The following IPCEF1 variants were observed in gnomAD, a reference collection of about 807,000 sequenced individuals.
The protein encoded by IPCEF1 is interactor protein for cytohesin exchange factors 1.
In IPCEF1, 31 loss-of-function variants were observed where a neutral mutation model predicts 50.9. That is an observed-to-expected ratio of 0.61 (90% CI 0.46 to 0.82). The LOEUF is 0.82. Ranked by LOEUF, IPCEF1 falls within the 40% of genes least tolerant of loss-of-function variation. The probability of loss-of-function intolerance (pLI) is 0.00; values close to 1 mark genes in which losing one functional copy is unlikely to be tolerated. For missense variants in IPCEF1, 458 were observed against 514.0 expected (o/e 0.89, Z 1.05); for synonymous variants, 181 against 192.0 (o/e 0.94, Z 0.47).
At chr6:154,325,288 T>C (rs1317005900) in intron 1 of IPCEF1, among the ~76,000 whole-genome samples, 5 of 152,218 alleles carry the variant, frequency 3.3e-5, no homozygotes, top group Non-Finnish European at 4.4e-5. Flanking sequence ...TTAATATATA[T>C]GCATATCCAT....
intron 7 of IPCEF1, among the ~76,000 whole-genome samples, chr6:154,216,494 A>G (rs1440083427): frequency 6.6e-6 from 1 of 152,232 alleles, no homozygotes; most frequent in African/African-American, 2.4e-5. Context: ...AGCCTGATCC[A>G]CTGTACTTCA....
At position 154,265,286 on chromosome 6, in the gene IPCEF1, G is replaced by GT. The variant is rs572825271; in HGVS notation, c.36+625dup. Among the ~76,000 whole-genome samples, 416 of 145,486 alleles carry GT rather than the reference G, an allele frequency of 2.9e-3. 2 individuals carry two copies. The highest frequency in any genetic ancestry group is 9.8e-3 in the South Asian group (45 of 4,602). On this transcript the variant is annotated intron_variant, in intron 3 of 11. Transcript: ENST00000367220. The stretch of plus-strand genomic sequence containing the variant: ...ATGATTTCAGTGAAATTATTATTAT[G>GT]TTTTTTTTTTTTGAGGCGGAGTCTC...
At chr6:154,288,660 TAAAAAACAAAAAAAACAAA>T (rs1412396081) in intron 2 of IPCEF1, among the ~76,000 whole-genome samples, 4 of 37,334 alleles carry the variant, frequency 1.1e-4, no homozygotes, top group Admixed American at 8.4e-4. Context: ...AGACTCTGTC[TAAAAAACAAAAAAAACAAA>T]AAAAAAAAAA....
intron 1 of IPCEF1, among the ~76,000 whole-genome samples, chr6:154,340,041 T>G (rs1047040816): frequency 1.3e-5 from 2 of 151,808 alleles, no homozygotes; most frequent in Non-Finnish European, 2.9e-5. Flanking sequence ...TATTGCAGAG[T>G]AGCAGCTGAA....
intron 1 of IPCEF1, among the ~76,000 whole-genome samples, chr6:154,333,583 T>C (rs1039714115): frequency 6.0e-5 from 9 of 148,878 alleles, no homozygotes; most frequent in South Asian, 4.2e-4. Flanking sequence ...CACACACACA[T>C]ATATATACAC....
At chr6:154,321,777 CTAAAAAA>C (rs1783383864) in intron 1 of IPCEF1, among the ~76,000 whole-genome samples, 1 of 55,954 alleles carries the variant, frequency 1.8e-5, no homozygotes, top group Non-Finnish European at 3.1e-5. Context: ...GAGACTCTTT[CTAAAAAA>C]AAAAAAAAAA....
intron 3 of IPCEF1, among the ~76,000 whole-genome samples, chr6:154,248,357 T>A (rs1488555448): frequency 2.0e-5 from 3 of 149,878 alleles, no homozygotes; most frequent in East Asian, 3.9e-4. Context: ...AGAAAAAAAA[T>A]TTTGCTTAAA....
chr6:154,225,408 G>A (rs1779172530), intron 5 of IPCEF1, among the ~76,000 whole-genome samples: 1 of 152,180 alleles, frequency 6.6e-6, no homozygotes, highest in African/African-American at 2.4e-5. Flanking sequence ...ATATTATTCA[G>A]CCTTAAAAAA....
chr6:154,238,550 G>A (rs139677340), intron 5 of IPCEF1, among the ~76,000 whole-genome samples: 1,633 of 152,282 alleles, frequency 0.011, 31 homozygotes, highest in African/African-American at 0.036. Flanking sequence ...ATAGGCATGA[G>A]CCACTACACC....
intron 10 of IPCEF1, among the ~76,000 whole-genome samples, chr6:154,177,903 T>C (rs768393867): frequency 1.4e-4 from 21 of 152,094 alleles, no homozygotes; most frequent in Non-Finnish European, 2.6e-4. Flanking sequence ...TGTCCATCAA[T>C]AATAGACTAG....
At chr6:154,260,576 G>A (rs12526590) in intron 3 of IPCEF1, among the ~76,000 whole-genome samples, 5,464 of 151,294 alleles carry the variant, frequency 0.036, 145 homozygotes, top group Non-Finnish European at 0.055. Flanking sequence ...GAGTTCAAGT[G>A]ATTCTCCTGC....
intron 3 of IPCEF1, among the ~76,000 whole-genome samples, chr6:154,256,399 G>T (rs954059045): frequency 2.0e-5 from 3 of 152,188 alleles, no homozygotes; most frequent in Non-Finnish European, 2.9e-5. Flanking sequence ...TGTGGGGATT[G>T]AATAGGAGGG....
chr6:154,208,384 T>C (rs1725057558), intron 9 of IPCEF1, among the ~76,000 whole-genome samples: 1 of 152,186 alleles, frequency 6.6e-6, no homozygotes, highest in African/African-American at 2.4e-5. Context: ...AGATCTCAGC[T>C]CTCAGTCGGA....
rs1451948815 is a variant in IPCEF1 at position 154,212,792 on chromosome 6, T to G, written c.515A>C (p.His172Pro). The change falls in exon 9 of 12, where the codon CAC becomes CCC. Residue 172 changes from histidine to proline, a missense_variant. Coordinates refer to ENST00000367220, the MANE Select transcript of IPCEF1 (RefSeq NM_001130700.2). Reference protein sequence around the residue: ...EIAAETPPPPHASQTQSLTAQ... With the variant: ...EIAAETPPPPPASQTQSLTAQ... ...TACCAAAGACTGAGTCTGGGAAGCG[T>G]GAGGAGGGGGTGGTGTCTCCGCAGC... 12 of 1,612,798 alleles carry G rather than the reference T, an allele frequency of 7.4e-6. No individual in the cohort carries two copies. Among genetic ancestry groups the G allele is most frequent in the Non-Finnish European group, 3.4e-6 (4 of 1,178,930 alleles).
At chr6:154,243,687 T>C (rs4295493) in intron 5 of IPCEF1, among the ~76,000 whole-genome samples, 124,998 of 152,202 alleles carry the variant, frequency 0.82, 52,105 homozygotes, top group Middle Eastern at 0.87. Flanking sequence ...GTGGTCTTAA[T>C]TGTGTCATGT....
At chr6:154,296,763 A>G (rs1277307790) in intron 1 of IPCEF1, among the ~76,000 whole-genome samples, 1 of 149,668 alleles carries the variant, frequency 6.7e-6, no homozygotes, top group Non-Finnish European at 1.5e-5. Flanking sequence ...CAGGAGGCGG[A>G]GTTTGCAGTG....
intron 1 of IPCEF1, among the ~76,000 whole-genome samples, chr6:154,345,357 T>C (rs985404251): frequency 1.3e-5 from 2 of 152,248 alleles, no homozygotes; most frequent in African/African-American, 4.8e-5. Context: ...ATTCTAGGCT[T>C]AAGACATTAT....
chr6:154,354,436 A>ATCTCCTCCACCACCACCTCCACCC (rs1784174090), intron 1 of IPCEF1, among the ~76,000 whole-genome samples: 2 of 146,594 alleles, frequency 1.4e-5, no homozygotes, highest in Non-Finnish European at 1.5e-5. Context: ...CACCTCCACC[A>ATCTCCTCCACCACCACCTCCACCC]TCTCCTCCAC....
intron 2 of IPCEF1, among the ~76,000 whole-genome samples, chr6:154,274,929 A>G (rs1782017914): frequency 6.6e-6 from 1 of 152,156 alleles, no homozygotes; most frequent in African/African-American, 2.4e-5. Flanking sequence ...GTTCCATGAC[A>G]CCTGCCTGGA....
Sources: allele counts gnomAD v4.1 joint callset (sites outside exome capture counted in the v4.1 genomes callset), GRCh38; gene constraint gnomAD v4.1.1; transcripts MANE v1.5; gene names NCBI Gene and HGNC (gene_info 2026-07-23, HGNC 2026-07-21).